The following RHOT2 variants were observed in gnomAD, a reference collection of about 807,000 sequenced individuals.
The protein encoded by RHOT2 is mitochondrial Rho GTPase 2.
Under a neutral mutation model 81.6 loss-of-function variants are expected in RHOT2, and 90 were observed. The ratio of observed to expected loss-of-function variants is 1.10; its 90% confidence interval spans 0.93 to 1.31. The LOEUF (loss-of-function observed/expected upper bound fraction) is 1.31, where lower values mean the gene tolerates loss of function less well. Ranked by LOEUF, RHOT2 falls within the 40% of genes most tolerant of loss-of-function variation. The pLI is 0.00. For synonymous variants in RHOT2, 512 were observed against 370.9 expected (o/e 1.38, Z -4.37); for missense variants, 1,014 against 841.9 (o/e 1.20, Z -2.53).
rs370436915 is a variant in RHOT2 at position 670,861 on chromosome 16, C to T, written c.640-31C>T. 3.1e-6 allele frequency: 5 copies of T among 1,587,868 alleles called. No individual in the cohort carries two copies. In the African/African-American group the frequency reaches 5.4e-5, roughly 17 times the overall value. ...GAACGGGTCGTCTCCGGGTGGCTGG[C>T]TGACTCCCAACAACGTTCTCTCGGA... On this transcript the variant is annotated intron_variant, in intron 9 of 18. Transcript: ENST00000315082.
chr16:672,296 A>C lies in RHOT2; in HGVS notation c.1238A>C (p.Gln413Pro). 1 of 1,612,304 alleles carries C rather than the reference A, an allele frequency of 6.2e-7. No homozygotes were observed. Among genetic ancestry groups the C allele is most frequent in the Non-Finnish European group, 8.5e-7 (1 of 1,179,678 alleles). The change falls in exon 15 of 19, where the codon CAG becomes CCG. Residue 413 changes from glutamine (Q) to proline (P), a missense_variant. Transcript: ENST00000315082. ...CTGGACCAGGAGAAGGGACAGACGC[A>C]GCGGAGCGTCCTCCTGTGCAAGGTG... The part of the protein sequence containing the change: ...KRLDQEKGQT[Q>P]RSVLLCKVVG...
In RHOT2 at chr16:671,184, G is replaced by A. The variant is rs912773387; in HGVS notation, c.850G>A (p.Ala284Thr). The A allele has an allele frequency of 1.3e-6, 2 of 1,570,354 alleles. No individual in the cohort carries two copies. The highest frequency in any genetic ancestry group is 1.4e-5 in the African/African-American group (1 of 73,866). ...FGYSDALELTADYLSPLIHVP... is the reference protein window; with the variant it reads ...FGYSDALELTTDYLSPLIHVP... Reference sequence around the variant, plus strand: ...CTACAGCGATGCCCTGGAGCTGACTGCGGACTATCTCTCCCCTCTGTGAGT... The same window carrying A: ...CTACAGCGATGCCCTGGAGCTGACTACGGACTATCTCTCCCCTCTGTGAGT... Residue 284 changes from alanine to threonine, a missense_variant, in exon 11 of 19, where the codon GCG (alanine) becomes ACG (threonine). Physicochemically the swap from Ala to Thr is moderately conservative, Grantham distance 58 (BLOSUM62 0). Transcript: ENST00000315082.
intron 1 of RHOT2, 52 bp from the exon 2 acceptor site, chr16:668,301 T>C (rs1488551930): frequency 7.6e-7 from 1 of 1,317,466 alleles, no homozygotes; most frequent in Non-Finnish European, 9.7e-7. Context: ...GTCTCGGGGG[T>C]CGGGGGGCGC....
rs773902151 is a variant in RHOT2, at chr16:671,120, C to T, written c.786C>T (p.Gly262=). The T allele has an allele frequency of 1.9e-6, 3 of 1,608,196 alleles. No individual in the cohort carries two copies. The highest frequency in any genetic ancestry group is 2.5e-6 in the Non-Finnish European group (3 of 1,179,186). ...TGAACACGCTCTTCATCCAGCGCGG[C>T]CGGCACGAGACCACCTGGACCATCC... ...LFLNTLFIQR[G]RHETTWTILR... Residue 262 remains glycine (G), a synonymous_variant, in exon 11 of 19, where the codon GGC becomes GGT. Transcript: ENST00000315082.
Position 672,740 on chromosome 16 carries a change from C to G in RHOT2, c.1442C>G (p.Ser481Trp). The G allele has an allele frequency of 6.2e-7, 1 of 1,612,550 alleles. No homozygotes were observed. Among genetic ancestry groups the G allele is most frequent in the Non-Finnish European group, 8.5e-7 (1 of 1,179,984 alleles). ...EVGTDGLLAT[S>W]LDATCDVACL... ...GGCACAGATGGTCTGCTGGCCACATCGCTGGACGCCACCTGTGACGTTGCC... is the reference window on the plus strand; with the variant it reads ...GGCACAGATGGTCTGCTGGCCACATGGCTGGACGCCACCTGTGACGTTGCC... Residue 481 changes from serine to tryptophan, a missense_variant, in exon 17 of 19, where the codon TCG (serine) becomes TGG (tryptophan). Physicochemically the swap from Ser to Trp is radical, Grantham distance 177 (BLOSUM62 -3). Transcript: ENST00000315082.
chr16:673,960 C>T lies in RHOT2; in HGVS notation c.*354C>T, dbSNP rs1055938825. Reference sequence around the variant, plus strand: ...CCCAGAATTCTCAGGGCTCTACCCCCCTTTCCTGGTCCTAGGTGGCCAGTG... The same window carrying T: ...CCCAGAATTCTCAGGGCTCTACCCCTCTTTCCTGGTCCTAGGTGGCCAGTG... On this transcript the variant is annotated 3_prime_UTR_variant, in exon 19 of 19. Coordinates refer to ENST00000315082, the MANE Select transcript of RHOT2 (RefSeq NM_138769.3). The T allele has an allele frequency of 6.0e-6, 3 of 498,470 alleles. No homozygotes were observed. The highest frequency in any genetic ancestry group is 5.2e-5 in the East Asian group (1 of 19,112). The allele number at this position is 498,470 out of a possible 1,614,324, so 30.9% of individuals were successfully genotyped here. A position where few individuals can be genotyped will look rare whatever the true frequency, so the allele number is the denominator to read the frequency against.
At position 669,534 on chromosome 16, in the gene RHOT2, C is replaced by A; in HGVS notation, c.223-19C>A. 1 of 1,610,816 alleles carries A rather than the reference C, an allele frequency of 6.2e-7. No homozygotes were observed. Among genetic ancestry groups the A allele is most frequent in the Non-Finnish European group, 8.5e-7 (1 of 1,179,502 alleles). ...GAGCCAGCAGCCCTGTCACCCACAC[C>A]TCATCACTGTTCCCTCAGGCAAACG... On this transcript the variant is annotated intron_variant, in intron 4 of 18. Coordinates refer to ENST00000315082, the MANE Select transcript of RHOT2 (RefSeq NM_138769.3).
At chr16:668,856 C>T (rs2038396255) in intron 4 of RHOT2, 157 bp downstream of exon 4, 4 of 707,598 alleles carry the variant, frequency 5.7e-6, no homozygotes, top group Non-Finnish European at 9.0e-6. Context: ...TACAGCGCAC[C>T]CCGCTGGGAG....
chr16:671,044 G>A, intron 10 of RHOT2, 39 bp from the exon 11 acceptor site: 2 of 1,608,114 alleles, frequency 1.2e-6, no homozygotes, highest in Non-Finnish European at 1.7e-6. Flanking sequence ...GTGGGGAGGG[G>A]GCTGTGCCTG....
In RHOT2 at chr16:673,801, C is replaced by A; in HGVS notation, c.*195C>A. 1.4e-6 allele frequency: 1 copy of A among 736,702 alleles called. No homozygotes were observed. The highest frequency in any genetic ancestry group is 2.2e-6 in the Non-Finnish European group (1 of 461,974). 45.6% of individuals were successfully genotyped at this position (736,702 alleles called of 1,614,324 possible). On this transcript the variant is annotated 3_prime_UTR_variant, in exon 19 of 19. Coordinates refer to ENST00000315082, the MANE Select transcript of RHOT2 (RefSeq NM_138769.3). ...ATGCACTGCCCTGGCTCCTGCCGGA[C>A]CCCCAGGGTGGGCCGTGGCAGGTGG...
Position 673,696 on chromosome 16 carries a change from G to A in RHOT2, c.*90G>A, listed in dbSNP as rs2151490474. The A allele has an allele frequency of 2.0e-6, 3 of 1,495,118 alleles. No homozygotes were observed. The highest frequency in any genetic ancestry group is 2.3e-5 in the East Asian group (1 of 43,580). 92.6% of individuals were successfully genotyped at this position (1,495,118 alleles called of 1,614,324 possible). A position where few individuals can be genotyped will look rare whatever the true frequency, so the allele number is the denominator to read the frequency against. Reference sequence around the variant, plus strand: ...GCAGCACAGCTGGGGTGCAGGCCAGGCTGCCACTCCGGGAACGCCTTTGCG... The same window carrying A: ...GCAGCACAGCTGGGGTGCAGGCCAGACTGCCACTCCGGGAACGCCTTTGCG... On this transcript the variant is annotated 3_prime_UTR_variant, in exon 19 of 19. Transcript: ENST00000315082.
chr16:673,658 G>A lies in RHOT2; in HGVS notation c.*52G>A. The A allele has an allele frequency of 6.4e-7, 1 of 1,570,632 alleles. No homozygotes were observed. On this transcript the variant is annotated 3_prime_UTR_variant, in exon 19 of 19. Coordinates refer to ENST00000315082, the MANE Select transcript of RHOT2 (RefSeq NM_138769.3). ...CTGACCTGGGTGTGCCTCGCTGCTG[G>A]GGCTCTGCAGGGGCAGCACAGCTGG...
Position 672,515 on chromosome 16 carries a change from C to A in RHOT2, c.1353C>A (p.Pro451=). The change falls in exon 16 of 19, where the codon CCC becomes CCA. Residue 451 remains proline (P), a synonymous_variant. Coordinates refer to ENST00000315082, the MANE Select transcript of RHOT2 (RefSeq NM_138769.3). ...ACCAGGACACGAGGGAGCAGCCTCC[C>A]GGCTACGCCATCGACACGGTGCAGG... ...LGHQDTREQP[P]GYAIDTVQVN... The A allele has an allele frequency of 6.2e-7, 1 of 1,612,620 alleles. No individual in the cohort carries two copies. Among genetic ancestry groups the A allele is most frequent in the South Asian group, 1.1e-5 (1 of 91,082 alleles).
Position 672,197 on chromosome 16 carries a change from C to T in RHOT2, c.1195+16C>T, listed in dbSNP as rs1555469584. 1 of 1,612,616 alleles carries T rather than the reference C, an allele frequency of 6.2e-7. No homozygotes were observed. The highest frequency in any genetic ancestry group is 1.7e-5 in the Admixed American group (1 of 60,014). ...GCCATCACAGGTAGGCACCCACCCTCCCTGGGCCTGGGCCCAGTATCCTGG... is the reference window on the plus strand; with the variant it reads ...GCCATCACAGGTAGGCACCCACCCTTCCTGGGCCTGGGCCCAGTATCCTGG... On this transcript the variant is annotated intron_variant, in intron 14 of 18. Transcript: ENST00000315082.
In RHOT2 at chr16:668,694, C is replaced by G. The variant is rs772340128; in HGVS notation, c.217C>G (p.His73Asp). 79 of 1,600,866 alleles carry G rather than the reference C, an allele frequency of 4.9e-5. No individual in the cohort carries two copies. The highest frequency in any genetic ancestry group is 6.7e-5 in the Non-Finnish European group (79 of 1,175,072). ...QTDEELREEI[H>D]KANVVCVVYD... ...GGACGAGGAGCTGCGGGAGGAGATCCACAAGGTACCCGTGGTGCGCGGGAC... is the reference window on the plus strand; with the variant it reads ...GGACGAGGAGCTGCGGGAGGAGATCGACAAGGTACCCGTGGTGCGCGGGAC... The change falls in exon 4 of 19, where the codon CAC becomes GAC. Residue 73 changes from histidine (H) to aspartate (D), a missense_variant. His to Asp is a moderately conservative substitution (Grantham distance 81, BLOSUM62 -1). Coordinates refer to ENST00000315082, the MANE Select transcript of RHOT2 (RefSeq NM_138769.3).
Position 673,650 on chromosome 16 carries a change from C to G in RHOT2, c.*44C>G. 3 of 1,576,490 alleles carry G rather than the reference C, an allele frequency of 1.9e-6. No homozygotes were observed. In the South Asian group the frequency reaches 3.4e-5, roughly 18 times the overall value. ...CCCCTCCCCTGACCTGGGTGTGCCT[C>G]GCTGCTGGGGCTCTGCAGGGGCAGC... On this transcript the variant is annotated 3_prime_UTR_variant, in exon 19 of 19. Transcript: ENST00000315082.
At position 671,798 on chromosome 16, in the gene RHOT2, T is replaced by TG. The variant is rs146789763; in HGVS notation, c.954+17_954+18insG. 10 of 1,562,828 alleles carry TG rather than the reference T, an allele frequency of 6.4e-6. No homozygotes were observed. In the African/African-American group the frequency reaches 9.9e-5, roughly 16 times the overall value. ...CACGACCAGGTGAGAGCATGGCGAG[T>TG]CCCCTGCCCCTGCCCCCGCCCCCTC... On this transcript the variant is annotated intron_variant, in intron 12 of 18. Transcript: ENST00000315082.
In RHOT2 at chr16:668,211, C is replaced by A; in HGVS notation, c.12C>A (p.Asp4Glu). 2 of 526,904 alleles carry A rather than the reference C, an allele frequency of 3.8e-6. No homozygotes were observed. The highest frequency in any genetic ancestry group is 7.8e-5 in the Admixed American group (2 of 25,786). The allele number at this position is 526,904 out of a possible 1,614,324, so 32.6% of individuals were successfully genotyped here. Residue 4 changes from aspartate (D) to glutamate (E), a missense_variant, in exon 1 of 19, where the codon GAC becomes GAA. Asp to Glu is a conservative substitution (Grantham distance 45). Coordinates refer to ENST00000315082, the MANE Select transcript of RHOT2 (RefSeq NM_138769.3). ...TCCGGGCGGCAGCTATGAGGCGGGA[C>A]GTGCGCATCCTGTTACTGGGCGAGG... MRR[D>E]VRILLLGEAQ...
Position 673,664 on chromosome 16 carries a change from T to C in RHOT2, c.*58T>C. On this transcript the variant is annotated 3_prime_UTR_variant, in exon 19 of 19. Transcript: ENST00000315082. ...TGGGTGTGCCTCGCTGCTGGGGCTC[T>C]GCAGGGGCAGCACAGCTGGGGTGCA... 1 of 1,564,718 alleles carries C rather than the reference T, an allele frequency of 6.4e-7. No homozygotes were observed. Among genetic ancestry groups the C allele is most frequent in the Non-Finnish European group, 8.6e-7 (1 of 1,157,870 alleles).
Sources: gnomAD v4.1 joint callset for allele counts on GRCh38, gnomAD v4.1.1 for gene constraint, MANE v1.5 for transcripts, NCBI Gene and HGNC (gene_info 2026-07-23, HGNC 2026-07-21) for gene names.